Variants in CADM2 observed in about 807,000 individuals in gnomAD.
The protein encoded by CADM2 is cell adhesion molecule 2.
CADM2 carries 12 observed loss-of-function variants against 49.8 expected under a neutral mutation model. That is an observed-to-expected ratio of 0.24 (90% CI 0.15 to 0.39). The LOEUF is 0.39. Among genes scored for constraint, CADM2 ranks in the 10% least tolerant of loss-of-function variants. The pLI, the probability that CADM2 is intolerant of heterozygous loss-of-function variation, is 1.00. For missense variants in CADM2, 378 were observed against 492.3 expected (o/e 0.77, Z 2.20); for synonymous variants, 214 against 175.4 (o/e 1.22, Z -1.74).
chr3:84,982,826 A>G (rs1025397903), intron 1 of CADM2, among the ~76,000 whole-genome samples: 15 of 148,790 alleles, frequency 1.0e-4, no homozygotes, highest in African/African-American at 3.7e-4. Flanking sequence ...GCTCACTGCA[A>G]CCTCCCCGTC....
intron 2 of CADM2, among the ~76,000 whole-genome samples, chr3:85,745,788 T>A (rs1335523294): frequency 1.3e-5 from 2 of 152,072 alleles, no homozygotes; most frequent in Non-Finnish European, 2.9e-5. Context: ...TGGCTTGAGC[T>A]GTTGAATGAA....
intron 1 of CADM2, among the ~76,000 whole-genome samples, chr3:85,568,423 C>CTTTCTTTA (rs1388058465): frequency 6.8e-5 from 2 of 29,456 alleles, no homozygotes; most frequent in African/African-American, 2.2e-4. Flanking sequence ...TTCTTTCTTT[C>CTTTCTTTA]TTTCTTTCTT....
chr3:85,448,829 T>A (rs1367729709), intron 1 of CADM2, among the ~76,000 whole-genome samples: 1 of 151,792 alleles, frequency 6.6e-6, no homozygotes, highest in Admixed American at 6.6e-5. Flanking sequence ...GGCTTGTGGA[T>A]CACGAGGTCA....
chr3:85,578,871 C>A (rs1475861223), intron 1 of CADM2, among the ~76,000 whole-genome samples: 3 of 152,172 alleles, frequency 2.0e-5, no homozygotes, highest in Non-Finnish European at 1.5e-5. Context: ...CATTCACACA[C>A]TCCCATTATA....
intron 3 of CADM2, among the ~76,000 whole-genome samples, chr3:85,826,677 A>G (rs1398425866): frequency 6.6e-6 from 1 of 151,950 alleles, no homozygotes; most frequent in African/African-American, 2.4e-5. Flanking sequence ...ACCATGGGGA[A>G]TTTCTGGAAG....
chr3:86,027,692 A>C (rs1010025790), intron 8 of CADM2, among the ~76,000 whole-genome samples: 2 of 152,202 alleles, frequency 1.3e-5, no homozygotes, highest in African/African-American at 4.8e-5. Context: ...TATTAAATGT[A>C]GAATAGAAAT....
intron 1 of CADM2, among the ~76,000 whole-genome samples, chr3:85,340,011 C>G (rs1258449128): frequency 6.6e-6 from 1 of 151,178 alleles, no homozygotes; most frequent in Non-Finnish European, 1.5e-5. Context: ...GTGCTTGTTA[C>G]TAGGAAAATA....
At position 85,425,935 on chromosome 3, in the gene CADM2, T is replaced by C. The variant is rs142817582; in HGVS notation, c.62-300587T>C. Reference sequence around the variant, plus strand: ...TCTACAGCTGTGACAGTTTAGCATTTATATGGAACATGTTCTGCTACTTGA... The same window carrying C: ...TCTACAGCTGTGACAGTTTAGCATTCATATGGAACATGTTCTGCTACTTGA... On this transcript the variant is annotated intron_variant, in intron 1 of 9. Transcript: ENST00000383699. 2.3e-3 allele frequency among the ~76,000 whole-genome samples: 357 copies of C among 152,208 alleles called. 2 individuals are homozygous for C. Among genetic ancestry groups the C allele is most frequent in the African/African-American group, 8.2e-3 (341 of 41,534 alleles).
intron 8 of CADM2, among the ~76,000 whole-genome samples, chr3:85,968,591 AT>A (rs1474809808): frequency 3.3e-5 from 5 of 151,638 alleles, no homozygotes; most frequent in South Asian, 4.1e-4. Flanking sequence ...CATTAAAAAA[AT>A]ATTTTCTCAA....
At chr3:85,429,295 A>G (rs904212090) in intron 1 of CADM2, among the ~76,000 whole-genome samples, 5 of 152,056 alleles carry the variant, frequency 3.3e-5, no homozygotes, top group African/African-American at 7.2e-5. Context: ...ACAATACAAC[A>G]TATGTTAGAA....
chr3:85,022,476 G>C (rs185150742), intron 1 of CADM2, among the ~76,000 whole-genome samples: 3 of 152,216 alleles, frequency 2.0e-5, no homozygotes, highest in African/African-American at 7.2e-5. Flanking sequence ...AAGTGTTTCA[G>C]GATTGTTAGT....
chr3:85,292,471 A>G (rs1404819028), intron 1 of CADM2, among the ~76,000 whole-genome samples: 2 of 151,548 alleles, frequency 1.3e-5, no homozygotes, highest in Non-Finnish European at 2.9e-5. Context: ...TCCACCCCAA[A>G]TCAACAGAAT....
chr3:84,989,401 A>G (rs904492177), intron 1 of CADM2, among the ~76,000 whole-genome samples: 1 of 152,162 alleles, frequency 6.6e-6, no homozygotes, highest in Admixed American at 6.6e-5. Flanking sequence ...AGTCTTTAAC[A>G]ATAGCAATCA....
intron 1 of CADM2, among the ~76,000 whole-genome samples, chr3:85,242,790 T>C (rs1368756330): frequency 6.6e-6 from 1 of 151,804 alleles, no homozygotes; most frequent in Non-Finnish European, 1.5e-5. Context: ...TAAATTGATA[T>C]TCAATATTAT....
At chr3:85,520,915 A>C (rs2106896323) in intron 1 of CADM2, among the ~76,000 whole-genome samples, 1 of 152,150 alleles carries the variant, frequency 6.6e-6, no homozygotes. Flanking sequence ...AACTGTGATA[A>C]TCAGGATAGC....
intron 1 of CADM2, among the ~76,000 whole-genome samples, chr3:85,322,563 A>G (rs188964704): frequency 4.7e-4 from 71 of 152,348 alleles, no homozygotes; most frequent in Admixed American, 2.0e-3. Context: ...GGCTCAAGAA[A>G]TTATTAATAG....
chr3:85,870,879 C>CA (rs951899930), intron 3 of CADM2, among the ~76,000 whole-genome samples: 4 of 151,864 alleles, frequency 2.6e-5, no homozygotes, highest in African/African-American at 4.8e-5. Flanking sequence ...ATACCATATA[C>CA]AAAAAAATCA....
chr3:86,039,202 G>A (rs904886608), intron 8 of CADM2, among the ~76,000 whole-genome samples: 55 of 152,222 alleles, frequency 3.6e-4, no homozygotes, highest in African/African-American at 1.3e-3. Flanking sequence ...TCTCACTTGG[G>A]AGTGTCGGAA....
intron 1 of CADM2, among the ~76,000 whole-genome samples, chr3:85,236,320 C>T (rs556059088): frequency 1.7e-4 from 26 of 151,972 alleles, no homozygotes; most frequent in Admixed American, 1.6e-3. Flanking sequence ...TGTGTAATAG[C>T]ATCTCTTGGA....
Sources: allele counts gnomAD v4.1 joint callset (sites outside exome capture counted in the v4.1 genomes callset), GRCh38; gene constraint gnomAD v4.1.1; transcripts MANE v1.5; gene names NCBI Gene and HGNC (gene_info 2026-07-23, HGNC 2026-07-21).